MEGF10: variants seen among roughly 807,000 people sequenced by gnomAD.
MEGF10 encodes multiple EGF like domains 10.
Under a neutral mutation model 147.5 loss-of-function variants are expected in MEGF10, and 86 were observed. The observed-to-expected ratio is 0.58, with a 90% CI of 0.49 to 0.70. MEGF10 has a LOEUF of 0.70. Among genes scored for constraint, MEGF10 ranks in the 30% least tolerant of loss-of-function variants. The pLI, the probability that MEGF10 is intolerant of heterozygous loss-of-function variation, is 0.00. For synonymous variants in MEGF10, 478 were observed against 525.5 expected, an observed-to-expected ratio of 0.91 and a Z score of 1.24; for missense variants, 1,329 against 1,487.3, an observed-to-expected ratio of 0.89 and a Z score of 1.75.
At chr5:127,350,006 G>T (rs2126818063) in intron 4 of MEGF10, among the ~76,000 whole-genome samples, 1 of 152,158 alleles carries the variant, frequency 6.6e-6, no homozygotes, top group Non-Finnish European at 1.5e-5. Flanking sequence ...ATTCTTATAT[G>T]AAAATCTTAT....
At chr5:127,261,777 TTA>T in the MEGF10 span, among the ~76,000 whole-genome samples, 1 of 152,170 alleles carries the variant, frequency 6.6e-6, no homozygotes, top group African/African-American at 2.4e-5. Context: ...TATCTGTTTT[TTA>T]AAAAAATTTT....
At chr5:127,399,029 G>C (rs1038888613) in intron 7 of MEGF10, among the ~76,000 whole-genome samples, 2 of 152,136 alleles carry the variant, frequency 1.3e-5, no homozygotes, top group African/African-American at 4.8e-5. Flanking sequence ...TCATGTAAAG[G>C]GTAGTGGCCA....
the MEGF10 span, among the ~76,000 whole-genome samples, chr5:127,239,476 A>T: frequency 0.44 from 63,140 of 142,314 alleles, 14,297 homozygotes; most frequent in Admixed American, 0.53. Context: ...ATATATATAT[A>T]ATATATATAC....
At chr5:127,315,137 A>C (rs914904580) in intron 1 of MEGF10, among the ~76,000 whole-genome samples, 47 of 152,196 alleles carry the variant, frequency 3.1e-4, no homozygotes, top group Non-Finnish European at 6.0e-4. Context: ...GGCCCTGCTG[A>C]GTTCAGAACT....
At chr5:127,238,029 CTATATATATATATATATATATATATA>C in the MEGF10 span, among the ~76,000 whole-genome samples, 1 of 139,130 alleles carries the variant, frequency 7.2e-6, no homozygotes, top group African/African-American at 2.6e-5. Flanking sequence ...AAACTTCAGA[CTATATATATATATATATATATATATA>C]TATATATATG....
intron 2 of MEGF10, among the ~76,000 whole-genome samples, chr5:127,338,041 G>A (rs1182821801): frequency 6.6e-6 from 1 of 152,072 alleles, no homozygotes; most frequent in African/African-American, 2.4e-5. Flanking sequence ...GAGACCAGCT[G>A]CAGAAAGAAA....
chr5:127,358,579 TC>T (rs1454961342), intron 4 of MEGF10, among the ~76,000 whole-genome samples: 1 of 152,140 alleles, frequency 6.6e-6, no homozygotes, highest in African/African-American at 2.4e-5. Flanking sequence ...GGATGGCACT[TC>T]CTGTGCATAG....
chr5:127,308,907 TTAAAA>T (rs1448998773), intron 1 of MEGF10, among the ~76,000 whole-genome samples: 19 of 152,040 alleles, frequency 1.2e-4, no homozygotes, highest in South Asian at 2.1e-4. Context: ...TACAAAAAAA[TTAAAA>T]TAAAAGGTTA....
intron 1 of MEGF10, chr5:127,300,051 G>T (rs1759700397): frequency 6.6e-6 from 1 of 152,170 alleles, no homozygotes; most frequent in African/African-American, 2.4e-5. Flanking sequence ...AGAGAGGCAA[G>T]TAGCTTTATT....
chr5:127,326,549 C>G (rs1175121809), intron 1 of MEGF10, among the ~76,000 whole-genome samples: 1 of 152,158 alleles, frequency 6.6e-6, no homozygotes, highest in African/African-American at 2.4e-5. Context: ...ATTACTCATC[C>G]TACATCTTTA....
chr5:127,348,206 T>A (rs1300857031), intron 4 of MEGF10, among the ~76,000 whole-genome samples: 1 of 152,086 alleles, frequency 6.6e-6, no homozygotes. Context: ...CTTATATCCA[T>A]GTGCTTATGA....
chr5:127,344,279 G>A (rs889888451), intron 4 of MEGF10, among the ~76,000 whole-genome samples: 9 of 151,992 alleles, frequency 5.9e-5, no homozygotes, highest in African/African-American at 1.2e-4. Context: ...AGACAACAAC[G>A]AAGTCATGGT....
intron 20 of MEGF10, among the ~76,000 whole-genome samples, chr5:127,447,153 C>T (rs76555869): frequency 0.013 from 1,933 of 152,000 alleles, 22 homozygotes; most frequent in Non-Finnish European, 0.02. Flanking sequence ...GGAAGGAGTC[C>T]GGACATTTGT....
chr5:127,435,741 C>G (rs147085199), intron 16 of MEGF10, among the ~76,000 whole-genome samples: 1 of 151,874 alleles, frequency 6.6e-6, no homozygotes, highest in African/African-American at 2.4e-5. Flanking sequence ...TCCTTATCCC[C>G]TTTTCAGTGA....
chr5:127,433,266 G>T (rs2126999653), intron 13 of MEGF10, 97 bp from the exon 14 acceptor site: 1 of 1,473,434 alleles, frequency 6.8e-7, no homozygotes, highest in Non-Finnish European at 9.4e-7. Context: ...TGATCCTCAG[G>T]TTTAACACTG....
chr5:127,247,330 AAG>A, the MEGF10 span, among the ~76,000 whole-genome samples: 2 of 2,632 alleles, frequency 7.6e-4, no homozygotes, highest in Non-Finnish European at 1.7e-3. Context: ...GAAGAAGAAG[AAG>A]AAGAAGAAGA....
intron 2 of MEGF10, among the ~76,000 whole-genome samples, chr5:127,333,029 C>T (rs1761325108): frequency 6.6e-6 from 1 of 152,006 alleles, no homozygotes; most frequent in African/African-American, 2.4e-5. Context: ...ATCCAGATGA[C>T]ATTGCGCATA....
At chr5:127,422,977 A>G (rs577373191) in intron 13 of MEGF10, among the ~76,000 whole-genome samples, 2 of 152,346 alleles carry the variant, frequency 1.3e-5, no homozygotes, top group South Asian at 2.1e-4. Context: ...CTCTTGAGCT[A>G]CAAGTAAGGT....
intron 5 of MEGF10, among the ~76,000 whole-genome samples, chr5:127,377,995 T>C (rs961216748): frequency 6.6e-6 from 1 of 152,210 alleles, no homozygotes; most frequent in Non-Finnish European, 1.5e-5. Flanking sequence ...GTTTCACTGA[T>C]GGACCATCCA....
Sources: gnomAD v4.1 joint callset for allele counts (sites outside exome capture counted in the v4.1 genomes callset) on GRCh38, gnomAD v4.1.1 for gene constraint, MANE v1.5 for transcripts, NCBI Gene and HGNC (gene_info 2026-07-23, HGNC 2026-07-21) for gene names.